SP1: variants seen among roughly 807,000 people sequenced by gnomAD.
SP1 encodes the protein transcription factor Sp1.
In SP1, 6 loss-of-function variants were observed where a neutral mutation model predicts 66.3. The ratio of observed to expected loss-of-function variants is 0.09; its 90% CI spans 0.05 to 0.18. SP1 has a LOEUF of 0.18. Among genes scored for constraint, SP1 ranks in the 10% least tolerant of loss-of-function variants. SP1 has a pLI of 1.00. For missense variants in SP1, 848 were observed against 964.5 expected (o/e 0.88, Z 1.60); for synonymous variants, 417 against 360.8 (o/e 1.16, Z -1.77).
chr12:53,392,273 C>T (rs1254862055), intron 3 of SP1, among the ~76,000 whole-genome samples: 32 of 151,808 alleles, frequency 2.1e-4, no homozygotes, highest in Admixed American at 2.1e-3. Context: ...CTCTGCCTCC[C>T]AAGTTCAAGT....
chr12:53,380,793 T>G (rs1938073370), intron 1 of SP1: 2 of 287,852 alleles, frequency 6.9e-6, no homozygotes, highest in Non-Finnish European at 9.5e-6. Flanking sequence ...AAACCGCCCT[T>G]TCCCTCAGGG....
rs1322278838 is a variant in SP1, at chr12:53,414,551, A to T, written c.*3311A>T. 6.6e-6 allele frequency: 1 copy of T among 152,604 alleles called. No homozygotes were observed. 9.5% of individuals were successfully genotyped at this position (152,604 alleles called of 1,614,324 possible). On this transcript the variant is annotated 3_prime_UTR_variant, in exon 6 of 6. Transcript: ENST00000327443. ...TTGGAGACAAAAGCTGTAAATTACT[A>T]TGGCTGATTTATTTCTACTATATAC...
chr12:53,390,200 T>C (rs1308229891), intron 3 of SP1, among the ~76,000 whole-genome samples: 1 of 152,240 alleles, frequency 6.6e-6, no homozygotes, highest in Non-Finnish European at 1.5e-5. Context: ...TTATATTTTA[T>C]CAAATATAAT....
intron 3 of SP1, among the ~76,000 whole-genome samples, chr12:53,394,999 G>C (rs1938452383): frequency 6.6e-6 from 1 of 151,956 alleles, no homozygotes; most frequent in African/African-American, 2.4e-5. Flanking sequence ...CCAGTAGCTG[G>C]GATTATGGGC....
chr12:53,400,979 C>T (rs1163667083), intron 3 of SP1, among the ~76,000 whole-genome samples: 2 of 150,474 alleles, frequency 1.3e-5, no homozygotes, highest in Non-Finnish European at 3.0e-5. Flanking sequence ...CCAGGCTGGT[C>T]TCGAACTCCT....
chr12:53,387,437 C>G (rs1045717317), intron 3 of SP1, among the ~76,000 whole-genome samples: 1 of 152,098 alleles, frequency 6.6e-6, no homozygotes, highest in Non-Finnish European at 1.5e-5. Context: ...TTCTTACATT[C>G]CTGTGGTGTG....
chr12:53,394,862 C>T (rs1938447556), intron 3 of SP1, among the ~76,000 whole-genome samples: 1 of 151,776 alleles, frequency 6.6e-6, no homozygotes, highest in South Asian at 2.1e-4. Context: ...GATCCACCCG[C>T]CTCGGCCTCC....
At chr12:53,401,751 C>T (rs765392636) in intron 3 of SP1, among the ~76,000 whole-genome samples, 4 of 152,234 alleles carry the variant, frequency 2.6e-5, no homozygotes, top group South Asian at 2.1e-4. Context: ...TCCCTGCAAC[C>T]TCCATCTCCC....
chr12:53,402,380 T>C (rs1468248234), intron 3 of SP1, among the ~76,000 whole-genome samples: 3 of 152,036 alleles, frequency 2.0e-5, no homozygotes, highest in East Asian at 2.0e-4. Flanking sequence ...TGCGCCACCA[T>C]GCCCGGCTAA....
At chr12:53,407,381 G>A (rs368798191) in intron 4 of SP1, among the ~76,000 whole-genome samples, 514 of 151,148 alleles carry the variant, frequency 3.4e-3, no homozygotes, top group Admixed American at 7.2e-3. Context: ...AGGCTGGAGT[G>A]CAGTGGCACA....
At chr12:53,386,935 GGTTT>G (rs1292359337) in intron 3 of SP1, among the ~76,000 whole-genome samples, 6 of 143,762 alleles carry the variant, frequency 4.2e-5, no homozygotes, top group South Asian at 2.1e-4. Context: ...CCAACTTCTA[GGTTT>G]GTTTTTTTTT....
chr12:53,395,809 T>G (rs996215655), intron 3 of SP1, among the ~76,000 whole-genome samples: 4 of 104,416 alleles, frequency 3.8e-5, no homozygotes, highest in African/African-American at 1.5e-4. Context: ...CTACCAAAAA[T>G]ACAAAAAAAA....
In SP1 at chr12:53,413,885, C is replaced by T. The variant is rs1938945032; in HGVS notation, c.*2645C>T. On this transcript the variant is annotated 3_prime_UTR_variant, in exon 6 of 6. Transcript: ENST00000327443. ...AAAAGCTGCTGGTTTACCCTCAACC[C>T]TATTCATTAGCATTACCATGAGTGA... 6.6e-6 allele frequency: 1 copy of T among 152,202 alleles called. No individual in the cohort carries two copies. The highest frequency in any genetic ancestry group is 1.5e-5 in the Non-Finnish European group (1 of 68,024). 9.4% of individuals were successfully genotyped at this position (152,202 alleles called of 1,614,324 possible). A position where few individuals can be genotyped will look rare whatever the true frequency, so the allele number is the denominator to read the frequency against.
chr12:53,388,328 C>A (rs1386844646), intron 3 of SP1, among the ~76,000 whole-genome samples: 2 of 152,172 alleles, frequency 1.3e-5, no homozygotes, highest in Non-Finnish European at 2.9e-5. Flanking sequence ...ATGAGGCATT[C>A]TCATTGCTAA....
Position 53,382,829 on chromosome 12 carries a change from T to A in SP1, c.882T>A (p.Ser294Arg), listed in dbSNP as rs1369482446. 1 of 1,613,974 alleles carries A rather than the reference T, an allele frequency of 6.2e-7. No individual in the cohort carries two copies. The highest frequency in any genetic ancestry group is 8.5e-7 in the Non-Finnish European group (1 of 1,180,042). The change falls in exon 3 of 6, where the codon AGT becomes AGA. Residue 294 changes from serine to arginine, a missense_variant. Coordinates refer to ENST00000327443, the MANE Select transcript of SP1 (RefSeq NM_138473.3). ...VTISSSGSQE[S>R]GSQPVTSGTT... ...TCAGCAGCTCTGGGTCCCAGGAGAG[T>A]GGCTCACAGCCTGTCACCTCAGGGA... is the stretch of plus-strand genomic sequence containing the variant.
In SP1 at chr12:53,386,891, C is replaced by T. The variant is rs138696271; in HGVS notation, c.1675+3269C>T. On this transcript the variant is annotated intron_variant, in intron 3 of 5. Coordinates refer to ENST00000327443, the MANE Select transcript of SP1 (RefSeq NM_138473.3). ...ATATGCTGGCACAATTATACAAATA[C>T]GGAAAATAGTTTAATATCACCAAAT... is the stretch of plus-strand genomic sequence containing the variant. Among the ~76,000 whole-genome samples the T allele has an allele frequency of 8.2e-3, 1,234 of 150,476 alleles. 4 individuals are homozygous for T. The highest frequency in any genetic ancestry group is 0.021 in the Middle Eastern group (6 of 284).
At chr12:53,402,245 C>T (rs1483811415) in intron 3 of SP1, among the ~76,000 whole-genome samples, 4 of 128,698 alleles carry the variant, frequency 3.1e-5, no homozygotes, top group South Asian at 2.4e-4. Flanking sequence ...TTTTTTAAGA[C>T]GGAGTTTTGC....
chr12:53,380,699 C>T, intron 1 of SP1: 6 of 982,814 alleles, frequency 6.1e-6, no homozygotes, highest in Non-Finnish European at 7.2e-6. Context: ...CCGCCTGCTC[C>T]AAGGCCCTCC....
At chr12:53,387,662 C>T (rs1938261086) in intron 3 of SP1, among the ~76,000 whole-genome samples, 2 of 152,130 alleles carry the variant, frequency 1.3e-5, no homozygotes. Flanking sequence ...CCTGTTTTAA[C>T]TAGGGACTTG....
Sources: gnomAD v4.1 joint callset for allele counts (sites outside exome capture counted in the v4.1 genomes callset) on GRCh38, gnomAD v4.1.1 for gene constraint, MANE v1.5 for transcripts, NCBI Gene and HGNC (gene_info 2026-07-23, HGNC 2026-07-21) for gene names.